The following PPARA variants were observed in gnomAD, a reference collection of about 807,000 sequenced individuals.
The protein encoded by PPARA is peroxisome proliferator-activated receptor alpha.
PPARA carries 22 observed loss-of-function variants against 42.2 expected under a neutral mutation model. The observed-to-expected ratio is 0.52, with a 90% CI of 0.37 to 0.74. The LOEUF is 0.74. Ranked by LOEUF, PPARA falls within the 30% of genes least tolerant of loss-of-function variation. PPARA has a pLI of 0.00. For missense variants in PPARA, 465 were observed against 608.2 expected, an observed-to-expected ratio of 0.76 and a Z score of 2.48; for synonymous variants, 242 against 239.3, an observed-to-expected ratio of 1.01 and a Z score of -0.10.
In PPARA at chr22:46,165,661, G is replaced by C. The variant is rs78415176; in HGVS notation, c.-126-11092G>C. On this transcript the variant is annotated intron_variant, in intron 2 of 8. Transcript: ENST00000407236. This position sits in a 1 kb window ranked among gnomAD's most constrained non-coding sequence, Gnocchi z 5.5. ...ACAGGTGACCTGGAAACGGATCAGC[G>C]TAATCGAGGACTGAAGTCCAGTTCT... Among the ~76,000 whole-genome samples, 49 of 152,338 alleles carry C rather than the reference G, an allele frequency of 3.2e-4. No individual in the cohort carries two copies. Among genetic ancestry groups the C allele is most frequent in the African/African-American group, 1.2e-3 (49 of 41,562 alleles).
rs1936333295 is a variant in PPARA, at chr22:46,240,106, A to C, written c.*4726A>C. On this transcript the variant is annotated 3_prime_UTR_variant, in exon 9 of 9. Transcript: ENST00000407236. The surrounding 1 kb of genome is among the most constrained non-coding windows in gnomAD (Gnocchi z 6.0). ...GGCCTGGGGAAAGCTGGCCACCTTCAACAGCTGGTACCTCTTCAACAGTGT... is the reference window on the plus strand; with the variant it reads ...GGCCTGGGGAAAGCTGGCCACCTTCCACAGCTGGTACCTCTTCAACAGTGT... 1 of 398,942 alleles carries C rather than the reference A, an allele frequency of 2.5e-6. No homozygotes were observed. Among genetic ancestry groups the C allele is most frequent in the South Asian group, 1.3e-4 (1 of 7,838 alleles). The allele number at this position is 398,942 out of a possible 1,614,324, so 24.7% of individuals were successfully genotyped here.
Position 46,224,992 on chromosome 22 carries a change from T to A in PPARA, c.711+4978T>A. On this transcript the variant is annotated intron_variant, in intron 7 of 8. Coordinates refer to ENST00000407236, the MANE Select transcript of PPARA (RefSeq NM_005036.6). The surrounding 1 kb of genome is among the most constrained non-coding windows in gnomAD (Gnocchi z 5.7). Reference sequence around the variant, plus strand: ...ATGCTGGGGGGGGGCCTGAAACCGGTGGGGGAGTTGTGGGAGGCCTAGAAT... The same window carrying A: ...ATGCTGGGGGGGGGCCTGAAACCGGAGGGGGAGTTGTGGGAGGCCTAGAAT... 1.1e-5 allele frequency among the ~76,000 whole-genome samples: 1 copy of A among 93,146 alleles called. No homozygotes were observed. 61.1% of individuals were successfully genotyped at this position (93,146 alleles called of 152,430 possible).
chr22:46,157,189 A>C (rs1013422555), intron 2 of PPARA, among the ~76,000 whole-genome samples: 1 of 152,242 alleles, frequency 6.6e-6, no homozygotes, highest in Non-Finnish European at 1.5e-5. Flanking sequence ...CTAGCCGTGT[A>C]AACTGAGTAG....
chr22:46,205,742 C>A (rs1933240502), intron 4 of PPARA, among the ~76,000 whole-genome samples: 1 of 150,270 alleles, frequency 6.7e-6, no homozygotes, highest in South Asian at 2.1e-4. Flanking sequence ...AATTACCAGC[C>A]TTATATTTTT....
intron 2 of PPARA, among the ~76,000 whole-genome samples, chr22:46,153,233 G>A (rs1285645217): frequency 8.1e-6 from 1 of 123,102 alleles, no homozygotes; most frequent in Non-Finnish European, 1.6e-5. Context: ...GCAGTGGCAT[G>A]ATCTTGGCTC....
In PPARA at chr22:46,237,507, A is replaced by T. The variant is rs1369108201; in HGVS notation, c.*2127A>T. 6.6e-6 allele frequency: 1 copy of T among 152,220 alleles called. No homozygotes were observed. 9.4% of individuals were successfully genotyped at this position (152,220 alleles called of 1,614,324 possible). A position where few individuals can be genotyped will look rare whatever the true frequency, so the allele number is the denominator to read the frequency against. On this transcript the variant is annotated 3_prime_UTR_variant, in exon 9 of 9. Transcript: ENST00000407236. This position sits in a 1 kb window ranked among gnomAD's most constrained non-coding sequence, Gnocchi z 6.7. ...CAGCTACTCTGCAGGCTGAGGTGGG[A>T]GGATTGCTTGAACCCAGGAGGTCGA...
Position 46,204,217 on chromosome 22 carries a change from A to G in PPARA, c.208+5626A>G, listed in dbSNP as rs1933017622. 6.6e-6 allele frequency among the ~76,000 whole-genome samples: 1 copy of G among 152,252 alleles called. No homozygotes were observed. The highest frequency in any genetic ancestry group is 1.9e-4 in the East Asian group (1 of 5,202). ...TTCATTCTTCATCCATCATGTGGAC[A>G]TAGCACAGTTTGCTGATTCACGCAC... On this transcript the variant is annotated intron_variant, in intron 4 of 8. Transcript: ENST00000407236. This position sits in a 1 kb window ranked among gnomAD's most constrained non-coding sequence, Gnocchi z 5.2.
chr22:46,213,897 T>C (rs1286483416), intron 4 of PPARA, among the ~76,000 whole-genome samples: 1 of 152,154 alleles, frequency 6.6e-6, no homozygotes, highest in Admixed American at 6.6e-5. Flanking sequence ...CCCCCATTTT[T>C]CAATTGAGTT....
Position 46,198,418 on chromosome 22 carries a change from C to T in PPARA, c.35C>T (p.Ser12Phe). 1 of 1,613,918 alleles carries T rather than the reference C, an allele frequency of 6.2e-7. No homozygotes were observed. Among genetic ancestry groups the T allele is most frequent in the Non-Finnish European group, 8.5e-7 (1 of 1,179,948 alleles). Reference protein sequence around the residue: ...VDTESPLCPLSPLEAGDLESP... With the variant: ...VDTESPLCPLFPLEAGDLESP... ...ACGGAAAGCCCACTCTGCCCCCTCT[C>T]CCCACTCGAGGCCGGCGATCTAGAG... The change falls in exon 4 of 9, where the codon TCC becomes TTC. Residue 12 changes from serine (S) to phenylalanine (F), a missense_variant. Around this residue, in one of 2 missense-constraint regions of PPARA, gnomAD observed 152 missense variants for 139.1 expected, o/e 1.09. Coordinates refer to ENST00000407236, the MANE Select transcript of PPARA (RefSeq NM_005036.6).
Position 46,198,507 on chromosome 22 carries a change from G to C in PPARA, c.124G>C (p.Gly42Arg). Residue 42 changes from glycine to arginine, a missense_variant, in exon 4 of 9, where the codon GGC (glycine) becomes CGC (arginine). Physicochemically the swap from Gly to Arg is moderately radical, Grantham distance 125 (BLOSUM62 -2). Transcript: ENST00000407236. ...CATCCAAGAGATTTCGCAATCCATCGGCGAGGATAGTTCTGGAAGCTTTGG... is the reference window on the plus strand; with the variant it reads ...CATCCAAGAGATTTCGCAATCCATCCGCGAGGATAGTTCTGGAAGCTTTGG... ...GNIQEISQSI[G>R]EDSSGSFGFT... 1.2e-6 allele frequency: 2 copies of C among 1,613,978 alleles called. No homozygotes were observed. The highest frequency in any genetic ancestry group is 1.7e-6 in the Non-Finnish European group (2 of 1,179,986).
At chr22:46,215,135 G>C (rs755798494) in intron 4 of PPARA, 38 bp from the exon 5 acceptor site, 1 of 1,607,202 alleles carries the variant, frequency 6.2e-7, no homozygotes, top group African/African-American at 1.3e-5. Flanking sequence ...GGATAGTGAT[G>C]CCTGGACTAT....
rs1372099016 is a variant in PPARA, at chr22:46,200,554, C to T, written c.208+1963C>T. 6.6e-6 allele frequency among the ~76,000 whole-genome samples: 1 copy of T among 152,244 alleles called. No homozygotes were observed. The highest frequency in any genetic ancestry group is 1.5e-5 in the Non-Finnish European group (1 of 68,046). ...ATGGGACCATGATACCACAGTTGAA[C>T]TTATGGTCTATTGTTGACCAAAATG... On this transcript the variant is annotated intron_variant, in intron 4 of 8. Transcript: ENST00000407236. This position sits in a 1 kb window ranked among gnomAD's most constrained non-coding sequence, Gnocchi z 4.8.
At position 46,232,133 on chromosome 22, in the gene PPARA, C is replaced by T. The variant is rs1483931943; in HGVS notation, c.1053C>T (p.Phe351=). The part of the protein sequence containing the change: ...REFLKSLRKP[F]CDIMEPKFDF... ...TCCTAAAAAGCCTAAGGAAACCGTT[C>T]TGTGATATCATGGAACCCAAGTTTG... Residue 351 remains phenylalanine (F), a synonymous_variant, in exon 8 of 9, where the codon TTC becomes TTT. Coordinates refer to ENST00000407236, the MANE Select transcript of PPARA (RefSeq NM_005036.6). This position sits in a 1 kb window ranked among gnomAD's most constrained non-coding sequence, Gnocchi z 5.3. 6.2e-7 allele frequency: 1 copy of T among 1,614,112 alleles called. No homozygotes were observed. Among genetic ancestry groups the T allele is most frequent in the African/African-American group, 1.3e-5 (1 of 74,946 alleles).
chr22:46,158,404 G>GT (rs1479847005), intron 2 of PPARA, among the ~76,000 whole-genome samples: 1 of 152,062 alleles, frequency 6.6e-6, no homozygotes, highest in African/African-American at 2.4e-5. Context: ...GAGGCCCCAA[G>GT]TTTTTTTGCA....
At chr22:46,159,092 T>C (rs1925758029) in intron 2 of PPARA, among the ~76,000 whole-genome samples, 1 of 152,128 alleles carries the variant, frequency 6.6e-6, no homozygotes, top group Non-Finnish European at 1.5e-5. Context: ...GCTTTCACCA[T>C]GTTGGCCAGG....
chr22:46,221,075 A>T lies in PPARA; in HGVS notation c.711+1061A>T, dbSNP rs1163350331. 6.6e-6 allele frequency among the ~76,000 whole-genome samples: 1 copy of T among 152,210 alleles called. No individual in the cohort carries two copies. Reference sequence around the variant, plus strand: ...CTCGTGGCCCACAAGGCTGTACAGGAAGCTTCTGCTTCTGGGGAGGCCTCA... The same window carrying T: ...CTCGTGGCCCACAAGGCTGTACAGGTAGCTTCTGCTTCTGGGGAGGCCTCA... On this transcript the variant is annotated intron_variant, in intron 7 of 8. Transcript: ENST00000407236. The surrounding 1 kb of genome is among the most constrained non-coding windows in gnomAD (Gnocchi z 5.9).
Position 46,196,212 on chromosome 22 carries a change from G to A in PPARA, c.-42-2130G>A, listed in dbSNP as rs969945644. ...GATACAGACTAACCCAGGAAGAACC[G>A]CTGCTTTGTCACTTATACCCCTATG... is the stretch of plus-strand genomic sequence containing the variant. On this transcript the variant is annotated intron_variant, in intron 3 of 8. Coordinates refer to ENST00000407236, the MANE Select transcript of PPARA (RefSeq NM_005036.6). This position sits in a 1 kb window ranked among gnomAD's most constrained non-coding sequence, Gnocchi z 5.6. Among the ~76,000 whole-genome samples the A allele has an allele frequency of 7.9e-5, 12 of 152,184 alleles. No individual in the cohort carries two copies. The highest frequency in any genetic ancestry group is 1.9e-4 in the East Asian group (1 of 5,194).
At chr22:46,153,981 G>A (rs1444007614) in intron 2 of PPARA, among the ~76,000 whole-genome samples, 1 of 152,136 alleles carries the variant, frequency 6.6e-6, no homozygotes, top group Non-Finnish European at 1.5e-5. Context: ...ATCTTCCTAT[G>A]TGAAAAACAT....
Position 46,231,051 on chromosome 22 carries a change from C to CT in PPARA, c.712-731dup, listed in dbSNP as rs561634561. Among the ~76,000 whole-genome samples the CT allele has an allele frequency of 7.2e-3, 1,077 of 149,042 alleles. 7 individuals carry two copies. Among genetic ancestry groups the CT allele is most frequent in the Admixed American group, 0.014 (201 of 14,870 alleles). The stretch of plus-strand genomic sequence containing the variant: ...AAATCAGTACTTCAGTTTCTTGTTT[C>CT]TTTTTTTTTTGAGACGGAGTCTTAC... On this transcript the variant is annotated intron_variant, in intron 7 of 8. Transcript: ENST00000407236. This position sits in a 1 kb window ranked among gnomAD's most constrained non-coding sequence, Gnocchi z 7.7.
Sources: allele counts gnomAD v4.1 joint callset (sites outside exome capture counted in the v4.1 genomes callset), GRCh38; gene constraint gnomAD v4.1.1; regional missense constraint gnomAD v4.1.1; non-coding constraint Gnocchi (gnomAD v3.1); transcripts MANE v1.5; gene names NCBI Gene and HGNC (gene_info 2026-07-23, HGNC 2026-07-21).